Variants in RBFOX1 observed in about 807,000 individuals in gnomAD.
The protein encoded by RBFOX1 is RNA binding protein fox-1 homolog 1.
RBFOX1 carries 8 observed loss-of-function variants against 57.7 expected under a neutral mutation model. That is an observed-to-expected ratio of 0.14 (90% CI 0.08 to 0.25). The LOEUF (loss-of-function observed/expected upper bound fraction) is 0.25, where lower values mean the gene tolerates loss of function less well. Ranked by LOEUF, RBFOX1 falls within the 10% of genes least tolerant of loss-of-function variation. The pLI, the probability that RBFOX1 is intolerant of heterozygous loss-of-function variation, is 1.00. For synonymous variants in RBFOX1, 326 were observed against 222.4 expected, an observed-to-expected ratio of 1.47 and a Z score of -4.15; for missense variants, 611 against 548.5, an observed-to-expected ratio of 1.11 and a Z score of -1.14.
In RBFOX1 at chr16:7,007,262, T is replaced by C. The variant is rs544888477; in HGVS notation, c.-15-44795T>C. Among the ~76,000 whole-genome samples the C allele has an allele frequency of 6.6e-5, 10 of 152,272 alleles. No homozygotes were observed. In the Middle Eastern group the frequency reaches 0.01, roughly 155 times the overall value. On this transcript the variant is annotated intron_variant, in intron 3 of 15. Coordinates refer to ENST00000550418, the MANE Select transcript of RBFOX1 (RefSeq NM_018723.4). Reference sequence around the variant, plus strand: ...GATCCTGGGAGCTTTTTACGTCCTTTTGTGAAGTGTGGACTCTTCCAACTC... The same window carrying C: ...GATCCTGGGAGCTTTTTACGTCCTTCTGTGAAGTGTGGACTCTTCCAACTC...
chr16:6,980,346 AC>A (rs2153587519), intron 3 of RBFOX1, among the ~76,000 whole-genome samples: 1 of 152,346 alleles, frequency 6.6e-6, no homozygotes, highest in Admixed American at 6.5e-5. Context: ...CCAGATGAGG[AC>A]TAACATGTAA....
rs551232525 is a variant in RBFOX1 at position 6,968,708 on chromosome 16, C to T, written c.-15-83349C>T. 3.3e-5 allele frequency among the ~76,000 whole-genome samples: 5 copies of T among 152,314 alleles called. No individual in the cohort carries two copies. The South Asian group carries it at 6.2e-4, about 19-fold the overall frequency. ...TCCCATCGAGTACACATACTAACTC[C>T]TGTTCTCATGGCAGCTGGCCTCATC... is the stretch of plus-strand genomic sequence containing the variant. On this transcript the variant is annotated intron_variant, in intron 3 of 15. Coordinates refer to ENST00000550418, the MANE Select transcript of RBFOX1 (RefSeq NM_018723.4).
At chr16:5,337,583 A>G (rs1346661837) in intron 1 of RBFOX1, among the ~76,000 whole-genome samples, 1 of 152,232 alleles carries the variant, frequency 6.6e-6, no homozygotes, top group African/African-American at 2.4e-5. Context: ...ATGCTCATAA[A>G]TGTTTTTAAA....
intron 3 of RBFOX1, among the ~76,000 whole-genome samples, chr16:5,712,154 A>G (rs781183226): frequency 2.6e-5 from 4 of 152,210 alleles, no homozygotes; most frequent in Non-Finnish European, 2.9e-5. Context: ...TGAGAGCAGC[A>G]TAGGCGAAAA....
chr16:6,275,739 A>G (rs79020394), intron 1 of RBFOX1, among the ~76,000 whole-genome samples: 2,310 of 152,352 alleles, frequency 0.015, 16 homozygotes, highest in Non-Finnish European at 0.023. Flanking sequence ...GGATACATAA[A>G]TGCCATAGAA....
chr16:5,875,762 C>T (rs201387259), intron 4 of RBFOX1, among the ~76,000 whole-genome samples: 10 of 152,088 alleles, frequency 6.6e-5, no homozygotes, highest in East Asian at 5.8e-4. Flanking sequence ...AAAAGTGAAC[C>T]GTTGTAAAAT....
intron 2 of RBFOX1, among the ~76,000 whole-genome samples, chr16:6,485,596 C>T (rs1447550485): frequency 1.3e-5 from 2 of 152,170 alleles, no homozygotes; most frequent in South Asian, 2.1e-4. Context: ...TAGTATCAGG[C>T]AATTCCACTG....
At chr16:5,784,114 C>T (rs185486430) in intron 3 of RBFOX1, among the ~76,000 whole-genome samples, 100 of 152,232 alleles carry the variant, frequency 6.6e-4, no homozygotes, top group Non-Finnish European at 8.4e-4. Context: ...CCTACACTCA[C>T]GGCAGAAGGT....
At chr16:5,526,532 G>T (rs2044253053) in intron 2 of RBFOX1, among the ~76,000 whole-genome samples, 2 of 152,006 alleles carry the variant, frequency 1.3e-5, no homozygotes, top group Non-Finnish European at 2.9e-5. Flanking sequence ...CAAGAGATCT[G>T]CCCACCTCAG....
At chr16:6,770,490 C>G (rs1021318577) in intron 3 of RBFOX1, among the ~76,000 whole-genome samples, 1 of 152,124 alleles carries the variant, frequency 6.6e-6, no homozygotes, top group Non-Finnish European at 1.5e-5. Context: ...CGGCAGAGCT[C>G]AATATTAGGA....
At chr16:6,181,630 G>A (rs573170527) in intron 1 of RBFOX1, among the ~76,000 whole-genome samples, 1 of 152,136 alleles carries the variant, frequency 6.6e-6, no homozygotes, top group African/African-American at 2.4e-5. Flanking sequence ...CCTGTGGTGG[G>A]GGGGAGGAGG....
At chr16:7,210,394 C>G (rs567907206) in intron 4 of RBFOX1, among the ~76,000 whole-genome samples, 1 of 152,126 alleles carries the variant, frequency 6.6e-6, no homozygotes, top group Non-Finnish European at 1.5e-5. Flanking sequence ...GTGGTCCTTC[C>G]TCACAGTTTT....
chr16:5,532,485 A>G (rs1231077244), intron 2 of RBFOX1, among the ~76,000 whole-genome samples: 1 of 152,178 alleles, frequency 6.6e-6, no homozygotes, highest in Non-Finnish European at 1.5e-5. Context: ...GGTGAGTCAG[A>G]TGCGTATTAA....
At chr16:6,687,320 A>C (rs1054575471) in intron 3 of RBFOX1, among the ~76,000 whole-genome samples, 1 of 152,148 alleles carries the variant, frequency 6.6e-6, no homozygotes, top group African/African-American at 2.4e-5. Flanking sequence ...GGGGTAATAA[A>C]CTGCATATTA....
chr16:6,390,431 T>G (rs2092541479), intron 2 of RBFOX1, among the ~76,000 whole-genome samples: 1 of 152,112 alleles, frequency 6.6e-6, no homozygotes, highest in African/African-American at 2.4e-5. Flanking sequence ...ATCAATTTTT[T>G]AAAAAATGTT....
chr16:5,743,274 G>A (rs959810395), intron 3 of RBFOX1, among the ~76,000 whole-genome samples: 1 of 152,174 alleles, frequency 6.6e-6, no homozygotes, highest in Non-Finnish European at 1.5e-5. Context: ...GACTGGGTGG[G>A]CACCTTCTGT....
rs1039546561 is a variant in RBFOX1 at position 5,735,719 on chromosome 16, A to C, written c.319-131584A>C. 2.0e-5 allele frequency among the ~76,000 whole-genome samples: 3 copies of C among 152,094 alleles called. No homozygotes were observed. The South Asian group carries it at 6.2e-4, about 32-fold the overall frequency. ...TGAGACCACCCTGGTCAACATGGTGAAACCCTGTTTAGCCGGGCGTGGTGG... is the reference window on the plus strand; with the variant it reads ...TGAGACCACCCTGGTCAACATGGTGCAACCCTGTTTAGCCGGGCGTGGTGG... On this transcript the variant is annotated intron_variant, in intron 3 of 19. Coordinates refer to the RBFOX1 transcript ENST00000641259.
chr16:5,898,897 T>TAAAA (rs80013964), intron 4 of RBFOX1, among the ~76,000 whole-genome samples: 1 of 138,482 alleles, frequency 7.2e-6, no homozygotes, highest in African/African-American at 2.7e-5. Context: ...CCATCTCTAT[T>TAAAA]AAAAAAAAAA....
chr16:7,029,977 A>G (rs2042369018), intron 3 of RBFOX1, among the ~76,000 whole-genome samples: 1 of 152,224 alleles, frequency 6.6e-6, no homozygotes, highest in Non-Finnish European at 1.5e-5. Context: ...CAAGACAGTC[A>G]ACAAGGACAC....
Sources: allele counts gnomAD v4.1 joint callset (sites outside exome capture counted in the v4.1 genomes callset), GRCh38; gene constraint gnomAD v4.1.1; transcripts MANE v1.5; gene names NCBI Gene and HGNC (gene_info 2026-07-23, HGNC 2026-07-21).